Variants in GFM2 observed in about 807,000 individuals in gnomAD.
GFM2 encodes the protein GTP dependent ribosome recycling factor mitochondrial 2, also known as ribosome-releasing factor 2, mitochondrial.
Under a neutral mutation model 95.4 loss-of-function variants are expected in GFM2, and 72 were observed. That is an observed-to-expected ratio of 0.76 (90% CI 0.62 to 0.92). The LOEUF (loss-of-function observed/expected upper bound fraction) is 0.92, where lower values mean the gene tolerates loss of function less well. Among genes scored for constraint, GFM2 ranks in the 40% least tolerant of loss-of-function variants. The pLI, the probability that GFM2 is intolerant of heterozygous loss-of-function variation, is 0.00. For synonymous variants in GFM2, 276 were observed against 317.5 expected (o/e 0.87, Z 1.39); for missense variants, 825 against 924.1 (o/e 0.89, Z 1.39).
chr5:74,751,895 T>C (rs928935992), intron 5 of GFM2, among the ~76,000 whole-genome samples: 1 of 152,148 alleles, frequency 6.6e-6, no homozygotes, highest in Admixed American at 6.5e-5. Context: ...CTTTACCACT[T>C]AGCACTCTAT....
intron 1 of GFM2, chr5:74,765,035 C>T (rs987880380): frequency 6.1e-6 from 5 of 817,368 alleles, no homozygotes; most frequent in Non-Finnish European, 8.6e-6. Flanking sequence ...ATCTACCCAC[C>T]TCGGCCTCCC....
Position 74,733,231 on chromosome 5 carries a change from C to T in GFM2, c.1511-133G>A, listed in dbSNP as rs550046068. The stretch of plus-strand genomic sequence containing the variant: ...TTCGACCAGGTGTGGTGACTCACGT[C>T]TGTAATCCCAGCACTTTGGGAAGCC... On this transcript the variant is annotated intron_variant, in intron 15 of 20. Coordinates refer to ENST00000296805, the MANE Select transcript of GFM2 (RefSeq NM_032380.5). The T allele has an allele frequency of 1.4e-3, 848 of 609,484 alleles. 5 individuals carry two copies. The African/African-American group carries it at 0.014, about 10-fold the overall frequency. The allele number at this position is 609,484 out of a possible 1,614,324, so 37.8% of individuals were successfully genotyped here. A position where few individuals can be genotyped will look rare whatever the true frequency, so the allele number is the denominator to read the frequency against.
At chr5:74,751,345 G>A in intron 6 of GFM2, 23 bp downstream of exon 6, 1 of 1,600,940 alleles carries the variant, frequency 6.2e-7, no homozygotes, top group Non-Finnish European at 8.5e-7. Context: ...CAGCATCTCT[G>A]TGTTACTGGA....
intron 7 of GFM2, among the ~76,000 whole-genome samples, chr5:74,750,372 C>T (rs1743631634): frequency 6.6e-6 from 1 of 152,156 alleles, no homozygotes; most frequent in African/African-American, 2.4e-5. Context: ...AAGTTCTTGA[C>T]ACCAGCTTTC....
Position 74,749,873 on chromosome 5 carries a change from C to T in GFM2, c.519+706G>A, listed in dbSNP as rs138942000. Among the ~76,000 whole-genome samples, 556 of 151,954 alleles carry T rather than the reference C, an allele frequency of 3.7e-3. 1 individual carries two copies. Among genetic ancestry groups the T allele is most frequent in the Non-Finnish European group, 6.0e-3 (411 of 67,976 alleles). On this transcript the variant is annotated intron_variant, in intron 7 of 20. Transcript: ENST00000296805. Reference sequence around the variant, plus strand: ...TGTCCTCTAAGAAATTTTTACCTACCCCAAGGCTGTAAAGATATTTTTCTT... The same window carrying T: ...TGTCCTCTAAGAAATTTTTACCTACTCCAAGGCTGTAAAGATATTTTTCTT...
At chr5:74,756,754 TG>T (rs1182944495) in intron 5 of GFM2, among the ~76,000 whole-genome samples, 1 of 152,018 alleles carries the variant, frequency 6.6e-6, no homozygotes, top group Non-Finnish European at 1.5e-5. Context: ...GCAACCTGGA[TG>T]GAACTGGAGA....
intron 14 of GFM2, among the ~76,000 whole-genome samples, chr5:74,737,858 C>T (rs1370259243): frequency 6.6e-6 from 1 of 152,142 alleles, no homozygotes; most frequent in Non-Finnish European, 1.5e-5. Flanking sequence ...TATGCAAACA[C>T]TGATCTATGG....
intron 12 of GFM2, among the ~76,000 whole-genome samples, chr5:74,739,538 T>C (rs923297066): frequency 2.0e-5 from 3 of 152,142 alleles, no homozygotes; most frequent in Non-Finnish European, 2.9e-5. Context: ...TCTCTGCCAT[T>C]TTACACATTG....
chr5:74,742,597 AATCTT>A lies in GFM2; in HGVS notation c.850-993_850-989del, dbSNP rs1221330914. On this transcript the variant is annotated intron_variant, in intron 10 of 20. Transcript: ENST00000296805. The stretch of plus-strand genomic sequence containing the variant: ...TTGGAAGTTGATTCTATTCCACACT[AATCTT>A]ATCCACTAATTTAAAGGAAAATTTT... Among the ~76,000 whole-genome samples, 9 of 152,316 alleles carry A rather than the reference AATCTT, an allele frequency of 5.9e-5. No homozygotes were observed. In the South Asian group the frequency reaches 6.2e-4, roughly 11 times the overall value.
At chr5:74,750,414 A>G (rs1436120510) in intron 7 of GFM2, among the ~76,000 whole-genome samples, 165 bp downstream of exon 7, 8 of 152,192 alleles carry the variant, frequency 5.3e-5, no homozygotes, top group Non-Finnish European at 2.9e-5. Flanking sequence ...AATATCTGAG[A>G]TTACATGTAG....
At position 74,727,219 on chromosome 5, in the gene GFM2, ATT is replaced by A. The variant is rs1361822502; in HGVS notation, c.1727-1095_1727-1094del. On this transcript the variant is annotated intron_variant, in intron 17 of 20. Transcript: ENST00000296805. The stretch of plus-strand genomic sequence containing the variant: ...TACGTTTATATATGAGTATATACAT[ATT>A]TATGTACAAGCTAAAAATGAGCATT... 5.3e-5 allele frequency among the ~76,000 whole-genome samples: 8 copies of A among 152,254 alleles called. No homozygotes were observed. In the East Asian group the frequency reaches 1.5e-3, roughly 29 times the overall value.
chr5:74,751,286 TA>T, intron 6 of GFM2, 81 bp downstream of exon 6: 1 of 1,421,354 alleles, frequency 7.0e-7, no homozygotes, highest in Non-Finnish European at 9.6e-7. Flanking sequence ...TTTACCACAA[TA>T]AAAAGCAAAA....
chr5:74,734,158 G>A (rs1742712952), intron 15 of GFM2, among the ~76,000 whole-genome samples: 1 of 151,982 alleles, frequency 6.6e-6, no homozygotes, highest in South Asian at 2.1e-4. Context: ...GGGTATTAAT[G>A]TTATGAACTG....
chr5:74,727,265 T>C (rs1750190318), intron 17 of GFM2, among the ~76,000 whole-genome samples: 1 of 152,170 alleles, frequency 6.6e-6, no homozygotes, highest in African/African-American at 2.4e-5. Flanking sequence ...CTAAAACTAC[T>C]AAAGAGAGTA....
intron 3 of GFM2, among the ~76,000 whole-genome samples, chr5:74,760,174 GA>G (rs1257746421): frequency 1.3e-5 from 2 of 151,954 alleles, no homozygotes; most frequent in African/African-American, 4.8e-5. Context: ...TATTATTTTT[GA>G]AACTTCATGG....
chr5:74,752,047 A>G (rs1363209364), intron 5 of GFM2, among the ~76,000 whole-genome samples: 2 of 152,158 alleles, frequency 1.3e-5, no homozygotes, highest in African/African-American at 4.8e-5. Context: ...GCCACACGGA[A>G]TGAGGTAGAG....
intron 19 of GFM2, among the ~76,000 whole-genome samples, chr5:74,723,222 G>A (rs973837778): frequency 7.4e-4 from 112 of 152,198 alleles, no homozygotes; most frequent in Non-Finnish European, 9.9e-4. Context: ...CCTATCTGGA[G>A]AGCTTCAAAA....
Position 74,758,988 on chromosome 5 carries a change from T to C in GFM2, c.207-42A>G, listed in dbSNP as rs749269146. ...AATAAGGTAAACTTTACTAAAATTG[T>C]AAAACCAAAGTATATATGCTATCCA... On this transcript the variant is annotated intron_variant, in intron 4 of 20. Transcript: ENST00000296805. 1.6e-5 allele frequency: 20 copies of C among 1,272,112 alleles called. No homozygotes were observed. In the Admixed American group the frequency reaches 3.2e-4, roughly 20 times the overall value. The allele number at this position is 1,272,112 out of a possible 1,614,324, so 78.8% of individuals were successfully genotyped here.
chr5:74,754,762 G>A (rs1419778445), intron 5 of GFM2, among the ~76,000 whole-genome samples: 2 of 152,056 alleles, frequency 1.3e-5, no homozygotes, highest in African/African-American at 4.8e-5. Flanking sequence ...ATAATAGTGG[G>A]GGACTTTAAT....
Sources: allele counts gnomAD v4.1 joint callset (sites outside exome capture counted in the v4.1 genomes callset), GRCh38; gene constraint gnomAD v4.1.1; transcripts MANE v1.5; gene names NCBI Gene and HGNC (gene_info 2026-07-23, HGNC 2026-07-21).